The following CHST8 variants were observed in gnomAD, a reference collection of about 807,000 sequenced individuals.
The protein encoded by CHST8 is GALNAC-4-ST1.
A neutral mutation model predicts 15.0 loss-of-function variants in CHST8; 10 were observed. The observed-to-expected ratio is 0.67, with a 90% CI of 0.41 to 1.13. The LOEUF (loss-of-function observed/expected upper bound fraction) is 1.13, where lower values mean the gene tolerates loss of function less well. Among genes scored for constraint, CHST8 ranks in the 50% most tolerant of loss-of-function variants. CHST8 has a pLI of 0.00. For synonymous variants in CHST8, 259 were observed against 256.6 expected (o/e 1.01, Z -0.09); for missense variants, 634 against 608.2 (o/e 1.04, Z -0.45).
rs948038383 is a variant in CHST8 at position 33,727,214 on chromosome 19, G to A, written c.130+37823G>A. Among the ~76,000 whole-genome samples, 6 of 152,138 alleles carry A rather than the reference G, an allele frequency of 3.9e-5. No homozygotes were observed. In the East Asian group the frequency reaches 1.2e-3, roughly 29 times the overall value. On this transcript the variant is annotated intron_variant, in intron 3 of 4. Coordinates refer to ENST00000650847, the MANE Select transcript of CHST8 (RefSeq NM_001127895.2). ...CCTGGCTGATCCTGTGTTCCTGCCA[G>A]GGGAAAAACTTGGTACCTTGGGCAT...
At chr19:33,652,376 T>C (rs1266115865) in intron 1 of CHST8, among the ~76,000 whole-genome samples, 3 of 144,958 alleles carry the variant, frequency 2.1e-5, no homozygotes, top group African/African-American at 5.1e-5. Context: ...CTCTCTCTTT[T>C]TTTTTTTTTT....
chr19:33,731,295 G>A (rs1435022758), intron 3 of CHST8, among the ~76,000 whole-genome samples: 1 of 152,180 alleles, frequency 6.6e-6, no homozygotes. Flanking sequence ...CTAAACAAGG[G>A]GTGGATTAAT....
intron 3 of CHST8, among the ~76,000 whole-genome samples, chr19:33,761,364 C>T (rs1320590348): frequency 4.0e-5 from 6 of 151,836 alleles, no homozygotes; most frequent in African/African-American, 1.5e-4. Flanking sequence ...GAGTCTCACT[C>T]TGTCATCCAG....
intron 1 of CHST8, among the ~76,000 whole-genome samples, chr19:33,625,693 C>T (rs936310681): frequency 6.6e-6 from 1 of 151,998 alleles, no homozygotes; most frequent in South Asian, 2.1e-4. Flanking sequence ...GAAACCCAGT[C>T]TCTACTAAAA....
At chr19:33,637,674 T>A (rs1175992584) in intron 1 of CHST8, among the ~76,000 whole-genome samples, 1 of 145,350 alleles carries the variant, frequency 6.9e-6, no homozygotes, top group Non-Finnish European at 1.5e-5. Flanking sequence ...AGTGCTGGGA[T>A]TACAGGCGTG....
intron 3 of CHST8, among the ~76,000 whole-genome samples, chr19:33,763,432 C>T (rs1378473258): frequency 6.6e-6 from 1 of 152,182 alleles, no homozygotes; most frequent in Non-Finnish European, 1.5e-5. Flanking sequence ...CCTCGAAGTC[C>T]ACACTCTGAC....
chr19:33,706,507 C>T (rs1013493574), intron 3 of CHST8, among the ~76,000 whole-genome samples: 2 of 152,094 alleles, frequency 1.3e-5, no homozygotes, highest in Non-Finnish European at 2.9e-5. Flanking sequence ...GTGAGCGTAC[C>T]CTGACAATGT....
intron 3 of CHST8, among the ~76,000 whole-genome samples, chr19:33,734,504 A>C (rs748637379): frequency 6.6e-6 from 1 of 152,142 alleles, no homozygotes; most frequent in Non-Finnish European, 1.5e-5. Flanking sequence ...AGCAATGGGG[A>C]CCCACACTGT....
chr19:33,772,813 A>G lies in CHST8; in HGVS notation c.1025A>G (p.Tyr342Cys), dbSNP rs911335877. The G allele has an allele frequency of 1.9e-5, 31 of 1,613,364 alleles. No homozygotes were observed. Among genetic ancestry groups the G allele is most frequent in the Non-Finnish European group, 2.6e-5 (31 of 1,180,026 alleles). The change falls in exon 5 of 5, where the codon TAC (tyrosine) becomes TGC (cysteine). Residue 342 changes from tyrosine to cysteine, a missense_variant. Physicochemically the swap from Tyr to Cys is radical, Grantham distance 194. Coordinates refer to ENST00000650847, the MANE Select transcript of CHST8 (RefSeq NM_001127895.2). ...CTCTGCAGCCCCTGCCTCATCGACT[A>G]CGATTTCGTAGGCAAGTTCGAGAGC... ...SRLCSPCLID[Y>C]DFVGKFESME...
intron 3 of CHST8, among the ~76,000 whole-genome samples, chr19:33,747,606 A>T (rs1974338323): frequency 6.6e-6 from 1 of 152,166 alleles, no homozygotes; most frequent in African/African-American, 2.4e-5. Flanking sequence ...AAGGAATGAT[A>T]AACACAGAAT....
chr19:33,746,256 C>T (rs184070939), intron 3 of CHST8, among the ~76,000 whole-genome samples: 99 of 152,274 alleles, frequency 6.5e-4, no homozygotes, highest in Middle Eastern at 3.4e-3. Context: ...CAAGAAAACA[C>T]ATGCATTGTT....
At chr19:33,680,014 C>T (rs139159541) in intron 2 of CHST8, among the ~76,000 whole-genome samples, 157 of 152,286 alleles carry the variant, frequency 1.0e-3, no homozygotes, top group African/African-American at 3.5e-3. Flanking sequence ...GAATCCACTC[C>T]GGAGCCCACC....
At chr19:33,685,026 GA>G (rs1972952028) in intron 2 of CHST8, 1 of 152,220 alleles carries the variant, frequency 6.6e-6, no homozygotes, top group Non-Finnish European at 1.5e-5. Flanking sequence ...GGGGTCCGCT[GA>G]CCACGTGGGT....
intron 3 of CHST8, among the ~76,000 whole-genome samples, chr19:33,744,888 A>G (rs1458499499): frequency 3.3e-5 from 5 of 152,218 alleles, no homozygotes; most frequent in African/African-American, 1.2e-4. Flanking sequence ...AGCTGGGATT[A>G]CAGGTGCCTG....
rs745426390 is a variant in CHST8, at chr19:33,773,088, G to A, written c.*25G>A. 9.6e-6 allele frequency: 15 copies of A among 1,558,304 alleles called. No homozygotes were observed. Among genetic ancestry groups the A allele is most frequent in the Admixed American group, 7.0e-5 (4 of 56,814 alleles). On this transcript the variant is annotated 3_prime_UTR_variant, in exon 5 of 5. Coordinates refer to ENST00000650847, the MANE Select transcript of CHST8 (RefSeq NM_001127895.2). ...AGGGGCGCCGCAGCTGGCCGGGGCC[G>A]CCCTGCCCCGGTCACTCACCTGTGC...
At chr19:33,737,385 T>C (rs1354858256) in intron 3 of CHST8, among the ~76,000 whole-genome samples, 1 of 152,172 alleles carries the variant, frequency 6.6e-6, no homozygotes, top group African/African-American at 2.4e-5. Context: ...CATCCCCAGG[T>C]TCAGGGCCAC....
At chr19:33,676,301 G>A (rs1280675874) in intron 2 of CHST8, among the ~76,000 whole-genome samples, 1 of 152,204 alleles carries the variant, frequency 6.6e-6, no homozygotes, top group Middle Eastern at 3.2e-3. Context: ...CCAGTGCAGT[G>A]GCTTATGTCT....
At chr19:33,663,570 A>G (rs1972612667) in intron 1 of CHST8, among the ~76,000 whole-genome samples, 1 of 152,078 alleles carries the variant, frequency 6.6e-6, no homozygotes, top group South Asian at 2.1e-4. Context: ...TCCCCCAAAA[A>G]GGTTTAAAAA....
chr19:33,765,463 G>A (rs541354570), intron 3 of CHST8, among the ~76,000 whole-genome samples: 6 of 151,484 alleles, frequency 4.0e-5, no homozygotes, highest in South Asian at 2.1e-4. Context: ...AATTATATAC[G>A]TCACCTTGCC....
Sources: gnomAD v4.1 joint callset for allele counts (sites outside exome capture counted in the v4.1 genomes callset) on GRCh38, gnomAD v4.1.1 for gene constraint, MANE v1.5 for transcripts, NCBI Gene and HGNC (gene_info 2026-07-23, HGNC 2026-07-21) for gene names.